The following MGMT variants were observed in gnomAD, a reference collection of about 807,000 sequenced individuals.
MGMT encodes the protein O-6-methylguanine-DNA methyltransferase, also known as methylated-DNA--protein-cysteine methyltransferase.
Under a neutral mutation model 15.9 loss-of-function variants are expected in MGMT, and 14 were observed. The ratio of observed to expected loss-of-function variants is 0.88; its 90% confidence interval spans 0.58 to 1.37. MGMT has a LOEUF of 1.37. Ranked by LOEUF, MGMT falls within the 40% of genes most tolerant of loss-of-function variation. The pLI is 0.00. For missense variants in MGMT, 282 were observed against 268.1 expected, an observed-to-expected ratio of 1.05 and a Z score of -0.36; for synonymous variants, 130 against 118.2, an observed-to-expected ratio of 1.10 and a Z score of -0.65.
rs995975167 is a variant in MGMT, at chr10:129,767,894, T to C, written c.*897T>C. 6.6e-6 allele frequency: 1 copy of C among 152,278 alleles called. No homozygotes were observed. Among genetic ancestry groups the C allele is most frequent in the Non-Finnish European group, 1.5e-5 (1 of 68,076 alleles). The allele number at this position is 152,278 out of a possible 1,614,324, so 9.4% of individuals were successfully genotyped here. A position where few individuals can be genotyped will look rare whatever the true frequency, so the allele number is the denominator to read the frequency against. ...ATGTCACTGATGGCAGCAGGCAGGG[T>C]TTCCAGCATGGGCGGTGCGCTGCTG... is the stretch of plus-strand genomic sequence containing the variant. On this transcript the variant is annotated 3_prime_UTR_variant, in exon 5 of 5. Transcript: ENST00000651593.
chr10:129,717,828 G>T (rs1047122313), intron 3 of MGMT: 2 of 152,156 alleles, frequency 1.3e-5, no homozygotes, highest in Admixed American at 6.5e-5. Flanking sequence ...TCATCAGAAG[G>T]TGGTGTTTAT....
intron 1 of MGMT, among the ~76,000 whole-genome samples, chr10:129,516,852 G>A (rs1337613344): frequency 6.6e-6 from 1 of 152,222 alleles, no homozygotes; most frequent in African/African-American, 2.4e-5. Context: ...GGTCGCTAAT[G>A]TTATGTGCAC....
chr10:129,522,717 C>T (rs1474583587), intron 1 of MGMT, among the ~76,000 whole-genome samples: 1 of 152,206 alleles, frequency 6.6e-6, no homozygotes, highest in Non-Finnish European at 1.5e-5. Context: ...CAAGGTCCTT[C>T]CTTGGTGGGG....
At chr10:129,567,606 C>T (rs1340591514) in intron 2 of MGMT, among the ~76,000 whole-genome samples, 2 of 152,134 alleles carry the variant, frequency 1.3e-5, no homozygotes, top group South Asian at 2.1e-4. Context: ...AAAAAACCTC[C>T]TGGAGTCTAG....
At position 129,533,924 on chromosome 10, in the gene MGMT, TGGG is replaced by T; in HGVS notation, c.-12-2314_-12-2312del. Among the ~76,000 whole-genome samples, 1 of 151,916 alleles carries T rather than the reference TGGG, an allele frequency of 6.6e-6. No individual in the cohort carries two copies. Among genetic ancestry groups the T allele is most frequent in the East Asian group, 1.9e-4 (1 of 5,140 alleles). On this transcript the variant is annotated intron_variant, in intron 1 of 4. Transcript: ENST00000651593. This position sits in a 1 kb window ranked among gnomAD's most constrained non-coding sequence, Gnocchi z 4.5. ...GGATGGTGATGATTTGAATGAGACT[TGGG>T]GGAGTTGGGGCAGCGTACTCCAGGG...
intron 1 of MGMT, among the ~76,000 whole-genome samples, chr10:129,531,096 T>C (rs1281659578): frequency 1.3e-5 from 2 of 152,204 alleles, no homozygotes. Flanking sequence ...CCAGTCCCCT[T>C]CCCAGCGTCC....
At chr10:129,631,381 G>A (rs1162354756) in intron 2 of MGMT, among the ~76,000 whole-genome samples, 1 of 152,124 alleles carries the variant, frequency 6.6e-6, no homozygotes, top group African/African-American at 2.4e-5. Context: ...GAAGAATGAA[G>A]GACTCTTACA....
At chr10:129,580,490 A>G (rs1846539512) in intron 2 of MGMT, among the ~76,000 whole-genome samples, 2 of 152,148 alleles carry the variant, frequency 1.3e-5, no homozygotes. Context: ...GTGGGCTTTG[A>G]GCGAGGAAGG....
intron 2 of MGMT, among the ~76,000 whole-genome samples, chr10:129,675,762 GAA>G (rs1847778602): frequency 6.6e-6 from 1 of 152,210 alleles, no homozygotes; most frequent in Non-Finnish European, 1.5e-5. Flanking sequence ...GGAGAAGAGA[GAA>G]AGACCCAGTA....
At chr10:129,744,171 G>C (rs1468238791) in intron 3 of MGMT, among the ~76,000 whole-genome samples, 1 of 152,234 alleles carries the variant, frequency 6.6e-6, no homozygotes, top group African/African-American at 2.4e-5. Context: ...AGGCCCAGGG[G>C]AGTCTTGCTT....
At chr10:129,692,311 A>T (rs182413513) in intron 2 of MGMT, among the ~76,000 whole-genome samples, 98 of 152,304 alleles carry the variant, frequency 6.4e-4, no homozygotes, top group African/African-American at 2.2e-3. Context: ...GCTTCCAGGC[A>T]GGGAAGAAAA....
intron 2 of MGMT, among the ~76,000 whole-genome samples, chr10:129,643,882 G>T (rs1847356490): frequency 6.6e-6 from 1 of 152,108 alleles, no homozygotes; most frequent in Non-Finnish European, 1.5e-5. Context: ...ACCTTTCATG[G>T]ATATGATGGT....
At chr10:129,565,183 T>C (rs1316207208) in intron 2 of MGMT, among the ~76,000 whole-genome samples, 1 of 152,062 alleles carries the variant, frequency 6.6e-6, no homozygotes, top group Non-Finnish European at 1.5e-5. Flanking sequence ...AAACAGCTTG[T>C]GCAGCCGCTG....
intron 2 of MGMT, among the ~76,000 whole-genome samples, chr10:129,658,134 T>G (rs535793428): frequency 6.6e-6 from 1 of 152,068 alleles, no homozygotes; most frequent in Non-Finnish European, 1.5e-5. Flanking sequence ...TGGAGTTTTT[T>G]CCCCCTTCTA....
intron 2 of MGMT, among the ~76,000 whole-genome samples, chr10:129,692,329 GCAGT>G: frequency 6.6e-6 from 1 of 152,256 alleles, no homozygotes; most frequent in East Asian, 1.9e-4. Flanking sequence ...AAAGCTCGGG[GCAGT>G]ATGAGTCCAG....
At chr10:129,653,778 C>T (rs1847491183) in intron 2 of MGMT, among the ~76,000 whole-genome samples, 1 of 152,254 alleles carries the variant, frequency 6.6e-6, no homozygotes, top group South Asian at 2.1e-4. Context: ...AAGGCTATTT[C>T]TGCATCACTG....
At chr10:129,602,044 A>G (rs480643) in intron 2 of MGMT, among the ~76,000 whole-genome samples, 63,341 of 151,992 alleles carry the variant, frequency 0.42, 14,233 homozygotes, top group East Asian at 0.64. Context: ...CGAAAAGTTA[A>G]ATCTCAGCTT....
intron 3 of MGMT, among the ~76,000 whole-genome samples, chr10:129,743,768 C>G (rs758858204): frequency 6.6e-6 from 1 of 152,178 alleles, no homozygotes; most frequent in Non-Finnish European, 1.5e-5. Flanking sequence ...ATTCCATAGC[C>G]GCTGTGTCAT....
intron 2 of MGMT, among the ~76,000 whole-genome samples, chr10:129,538,596 G>A (rs773975231): frequency 1.3e-4 from 19 of 151,644 alleles, no homozygotes; most frequent in Admixed American, 2.6e-4. Flanking sequence ...CCATTCCTAT[G>A]TTTTCTTTGT....
Sources: allele counts gnomAD v4.1 joint callset (sites outside exome capture counted in the v4.1 genomes callset), GRCh38; gene constraint gnomAD v4.1.1; non-coding constraint Gnocchi (gnomAD v3.1); transcripts MANE v1.5; gene names NCBI Gene and HGNC (gene_info 2026-07-23, HGNC 2026-07-21).